The following PARN variants were observed in gnomAD, a reference collection of about 807,000 sequenced individuals.
PARN encodes poly(A)-specific ribonuclease PARN.
PARN carries 71 observed loss-of-function variants against 102.8 expected under a neutral mutation model. The ratio of observed to expected loss-of-function variants is 0.69; its 90% CI spans 0.57 to 0.84. The LOEUF (loss-of-function observed/expected upper bound fraction) is 0.84, where lower values mean the gene tolerates loss of function less well. PARN is among the 40% of genes least tolerant of loss of function. The pLI is 0.00. For synonymous variants in PARN, 261 were observed against 252.9 expected, an observed-to-expected ratio of 1.03 and a Z score of -0.30; for missense variants, 782 against 760.9, an observed-to-expected ratio of 1.03 and a Z score of -0.33.
chr16:14,504,096 T>C (rs1479975610), intron 21 of PARN, among the ~76,000 whole-genome samples: 2 of 152,174 alleles, frequency 1.3e-5, no homozygotes, highest in Non-Finnish European at 2.9e-5. Flanking sequence ...GACCTAGTAA[T>C]TCCTCTTTTA....
intron 21 of PARN, among the ~76,000 whole-genome samples, chr16:14,488,625 T>C (rs1963871086): frequency 6.6e-6 from 1 of 152,206 alleles, no homozygotes; most frequent in Admixed American, 6.5e-5. Context: ...TATGCAGAGA[T>C]GCTCGGCCAC....
intron 21 of PARN, among the ~76,000 whole-genome samples, chr16:14,523,830 A>G (rs1275338452): frequency 6.6e-6 from 1 of 152,066 alleles, no homozygotes; most frequent in Admixed American, 6.6e-5. Flanking sequence ...CTTGTTGCCT[A>G]ATGAAGGGGT....
rs1223851843 is a variant in PARN, at chr16:14,564,035, G to A, written c.1263-8326C>T. On this transcript the variant is annotated intron_variant, in intron 18 of 23. Transcript: ENST00000437198. ...CTTCCAAGTTTAGCCACTTGCCCTT[G>A]GCCACCATGGAGGCCGACCCTAAGC... Among the ~76,000 whole-genome samples the A allele has an allele frequency of 2.6e-5, 4 of 151,960 alleles. No individual in the cohort carries two copies. In the South Asian group the frequency reaches 8.3e-4, roughly 32 times the overall value.
Position 14,596,725 on chromosome 16 carries a change from G to C in PARN, c.840+3179C>G, listed in dbSNP as rs181220663. 1.1e-3 allele frequency among the ~76,000 whole-genome samples: 160 copies of C among 151,960 alleles called. 1 individual carries two copies. Among genetic ancestry groups the C allele is most frequent in the African/African-American group, 3.8e-3 (159 of 41,420 alleles). On this transcript the variant is annotated intron_variant, in intron 12 of 23. Coordinates refer to ENST00000437198, the MANE Select transcript of PARN (RefSeq NM_002582.4). ...ACTCCCAGCTTGGGGAACAGACAGA[G>C]ACTGTGTCTCAAAATTAAATAAATA...
intron 21 of PARN, among the ~76,000 whole-genome samples, chr16:14,524,932 A>AC (rs1196534262): frequency 6.6e-6 from 1 of 152,190 alleles, no homozygotes; most frequent in Non-Finnish European, 1.5e-5. Context: ...TTATAGTCCA[A>AC]CCCAGCATAT....
intron 21 of PARN, among the ~76,000 whole-genome samples, chr16:14,548,626 A>T (rs1200254778): frequency 6.6e-6 from 1 of 152,192 alleles, no homozygotes; most frequent in African/African-American, 2.4e-5. Flanking sequence ...GAAAGCACAG[A>T]GAATGAGGTT....
intron 18 of PARN, among the ~76,000 whole-genome samples, chr16:14,576,984 TA>T (rs1969183249): frequency 6.6e-6 from 1 of 152,228 alleles, no homozygotes; most frequent in Admixed American, 6.5e-5. Flanking sequence ...CAAAATGGCA[TA>T]ACTGATGCTA....
chr16:14,593,317 T>C lies in PARN; in HGVS notation c.902A>G (p.Tyr301Cys), dbSNP rs942688617. The C allele has an allele frequency of 6.9e-6, 11 of 1,592,612 alleles. No homozygotes were observed. Among genetic ancestry groups the C allele is most frequent in the African/African-American group, 1.3e-5 (1 of 74,418 alleles). The change falls in exon 13 of 24, where the codon TAC (tyrosine) becomes TGC (cysteine). Residue 301 changes from tyrosine to cysteine, a missense_variant. By Grantham distance (194) the Tyr-to-Cys change is radical. Transcript: ENST00000437198. ...GTCACTTACCGCAGGCAGAGGGCAG[T>C]AGAACTGATGAACTGTGTGCATGAC... is the stretch of plus-strand genomic sequence containing the variant. ...LDVMHTVHQFYCPLPADLSEF... is the reference protein window; with the variant it reads ...LDVMHTVHQFCCPLPADLSEF...
chr16:14,609,710 T>C (rs867263331), intron 7 of PARN, among the ~76,000 whole-genome samples: 1 of 152,230 alleles, frequency 6.6e-6, no homozygotes, highest in Non-Finnish European at 1.5e-5. Context: ...CCCAGTAAAA[T>C]GGTTACACCA....
intron 21 of PARN, among the ~76,000 whole-genome samples, chr16:14,522,235 G>A (rs1033172029): frequency 6.6e-6 from 1 of 152,186 alleles, no homozygotes; most frequent in African/African-American, 2.4e-5. Flanking sequence ...AACATCATTT[G>A]CACATCAAGA....
chr16:14,558,680 C>T (rs1596666877), intron 18 of PARN, among the ~76,000 whole-genome samples: 1 of 151,990 alleles, frequency 6.6e-6, no homozygotes, highest in East Asian at 1.9e-4. Flanking sequence ...TAATATTAAG[C>T]AACCAAAATA....
At chr16:14,627,029 A>T in intron 5 of PARN, 77 bp downstream of exon 5, 1 of 849,560 alleles carries the variant, frequency 1.2e-6, no homozygotes. Flanking sequence ...GTTAATAGAG[A>T]ACCAAATTCT....
chr16:14,586,447 T>C (rs1412016667), intron 13 of PARN, 86 bp from the exon 14 acceptor site: 8 of 779,912 alleles, frequency 1.0e-5, no homozygotes, highest in Non-Finnish European at 1.7e-5. Context: ...GTTCCATAGC[T>C]GTCTTCTCAA....
intron 6 of PARN, among the ~76,000 whole-genome samples, chr16:14,615,538 A>C (rs1186529214): frequency 2.6e-5 from 4 of 152,172 alleles, no homozygotes; most frequent in African/African-American, 9.7e-5. Flanking sequence ...GCTCAAAACA[A>C]GTTTGTTTTT....
At chr16:14,623,366 T>C (rs897692666) in intron 5 of PARN, among the ~76,000 whole-genome samples, 18 of 151,576 alleles carry the variant, frequency 1.2e-4, no homozygotes, top group Non-Finnish European at 2.4e-4. Context: ...ATACAAAAAT[T>C]AGCTGGGCGT....
chr16:14,604,083 A>G, intron 11 of PARN, 63 bp downstream of exon 11: 1 of 933,728 alleles, frequency 1.1e-6, no homozygotes, highest in Non-Finnish European at 1.7e-6. Flanking sequence ...TGAAATAGAC[A>G]GGAATAAATC....
chr16:14,626,184 C>T (rs1055226905), intron 5 of PARN, among the ~76,000 whole-genome samples: 1 of 152,174 alleles, frequency 6.6e-6, no homozygotes, highest in Non-Finnish European at 1.5e-5. Flanking sequence ...ACCCCTTCTG[C>T]GCTTTCTCTT....
chr16:14,543,261 TAAAGA>T (rs1966852454), intron 21 of PARN, among the ~76,000 whole-genome samples: 1 of 152,034 alleles, frequency 6.6e-6, no homozygotes, highest in African/African-American at 2.4e-5. Flanking sequence ...CATTTTCAGA[TAAAGA>T]AAAAATTAGA....
At chr16:14,457,415 G>A (rs1057399807) in intron 22 of PARN, among the ~76,000 whole-genome samples, 3 of 152,170 alleles carry the variant, frequency 2.0e-5, no homozygotes, top group Admixed American at 6.5e-5. Flanking sequence ...TTAGGTGGGA[G>A]AGGGGAGGAT....
Sources: allele counts gnomAD v4.1 joint callset (sites outside exome capture counted in the v4.1 genomes callset), GRCh38; gene constraint gnomAD v4.1.1; transcripts MANE v1.5; gene names NCBI Gene and HGNC (gene_info 2026-07-23, HGNC 2026-07-21).